Variants in PKNOX2 observed in about 807,000 individuals in gnomAD.
The protein encoded by PKNOX2 is homeobox protein PKNOX2.
A neutral mutation model predicts 53.1 loss-of-function variants in PKNOX2; 14 were observed. The observed-to-expected ratio is 0.26, with a 90% CI of 0.17 to 0.41. The LOEUF is 0.41. Among genes scored for constraint, PKNOX2 ranks in the 10% least tolerant of loss-of-function variants. PKNOX2 has a pLI of 1.00. For missense variants in PKNOX2, 496 were observed against 602.8 expected (o/e 0.82, Z 1.85); for synonymous variants, 257 against 242.8 (o/e 1.06, Z -0.54).
rs1300229746 is a variant in PKNOX2 at position 125,165,415 on chromosome 11, CG to C, written c.-201+641del. Among the ~76,000 whole-genome samples the C allele has an allele frequency of 6.6e-6, 1 of 152,138 alleles. No individual in the cohort carries two copies. Among genetic ancestry groups the C allele is most frequent in the Non-Finnish European group, 1.5e-5 (1 of 68,002 alleles). On this transcript the variant is annotated intron_variant, in intron 1 of 12. Coordinates refer to ENST00000298282, the MANE Select transcript of PKNOX2 (RefSeq NM_001382323.2). This position sits in a 1 kb window ranked among gnomAD's most constrained non-coding sequence, Gnocchi z 4.5. ...GGCAGGCTCCAGGTTCTCTTTCTCC[CG>C]GCTTCGGGCGTCCTTGGGGCCGGCG...
At chr11:125,257,518 A>G (rs535930135) in intron 2 of PKNOX2, among the ~76,000 whole-genome samples, 23 of 152,280 alleles carry the variant, frequency 1.5e-4, no homozygotes, top group Non-Finnish European at 2.8e-4. Flanking sequence ...TCGGAATCGA[A>G]CAAATCTGGA....
chr11:125,369,438 C>G (rs946748531), intron 5 of PKNOX2, among the ~76,000 whole-genome samples: 3 of 152,238 alleles, frequency 2.0e-5, no homozygotes, highest in African/African-American at 7.2e-5. Flanking sequence ...CTGCCCTTCC[C>G]TCTTTACAGT....
At chr11:125,392,606 T>C (rs547591934) in intron 6 of PKNOX2, among the ~76,000 whole-genome samples, 1 of 152,322 alleles carries the variant, frequency 6.6e-6, no homozygotes, top group South Asian at 2.1e-4. Flanking sequence ...TGTGCGTGTA[T>C]TTTATTTGAG....
intron 2 of PKNOX2, among the ~76,000 whole-genome samples, chr11:125,319,788 C>T (rs931943404): frequency 4.6e-5 from 7 of 152,196 alleles, no homozygotes; most frequent in African/African-American, 1.7e-4. Flanking sequence ...GGAGAAAGAG[C>T]ACCTTCCAGG....
intron 6 of PKNOX2, among the ~76,000 whole-genome samples, chr11:125,391,567 A>G (rs907338976): frequency 2.0e-5 from 3 of 152,198 alleles, no homozygotes; most frequent in Non-Finnish European, 4.4e-5. Flanking sequence ...TTTGCAGATA[A>G]AGTTCAAACT....
At chr11:125,202,930 G>T (rs670182) in intron 1 of PKNOX2, among the ~76,000 whole-genome samples, 38,499 of 152,060 alleles carry the variant, frequency 0.25, 5,273 homozygotes, top group South Asian at 0.37. Flanking sequence ...TCATTATGAG[G>T]TAAAATATTT....
chr11:125,229,690 G>A (rs1942035207), intron 1 of PKNOX2, among the ~76,000 whole-genome samples: 1 of 152,160 alleles, frequency 6.6e-6, no homozygotes, highest in Non-Finnish European at 1.5e-5. Flanking sequence ...CAATGGGATG[G>A]GTAGAAGAGC....
chr11:125,199,558 G>A lies in PKNOX2; in HGVS notation c.-201+34782G>A, dbSNP rs1462857164. ...CTCCTGGGTTGCTTAAGATTTCCTG[G>A]GTTGGCCAGGTGCTGTGGCTCACAC... is the stretch of plus-strand genomic sequence containing the variant. On this transcript the variant is annotated intron_variant, in intron 1 of 12. Coordinates refer to ENST00000298282, the MANE Select transcript of PKNOX2 (RefSeq NM_001382323.2). Among the ~76,000 whole-genome samples, 4 of 152,198 alleles carry A rather than the reference G, an allele frequency of 2.6e-5. 1 individual carries two copies. Among genetic ancestry groups the A allele is most frequent in the East Asian group, 1.9e-4 (1 of 5,162 alleles).
At chr11:125,286,363 A>G (rs1055152040) in intron 2 of PKNOX2, among the ~76,000 whole-genome samples, 2 of 152,266 alleles carry the variant, frequency 1.3e-5, no homozygotes, top group Admixed American at 6.5e-5. Context: ...GAAAAATCCC[A>G]TAGTAAATAA....
At chr11:125,336,583 A>T (rs1325193173) in intron 3 of PKNOX2, among the ~76,000 whole-genome samples, 2 of 148,500 alleles carry the variant, frequency 1.3e-5, no homozygotes, top group Non-Finnish European at 3.0e-5. Context: ...ATAGTAATAG[A>T]CTAAATAACA....
intron 2 of PKNOX2, among the ~76,000 whole-genome samples, chr11:125,331,124 A>G (rs1477297971): frequency 6.6e-6 from 1 of 152,102 alleles, no homozygotes; most frequent in African/African-American, 2.4e-5. Flanking sequence ...GCCAGACCTT[A>G]TGGCCGTGCT....
Position 125,207,307 on chromosome 11 carries a change from G to C in PKNOX2, c.-200-27738G>C, listed in dbSNP as rs1190948998. On this transcript the variant is annotated intron_variant, in intron 1 of 12. Transcript: ENST00000298282. Reference sequence around the variant, plus strand: ...TTCATCTTGAGTTCCAACATCTATGGAACATATAGCTGGAGACGTCTAGCA... The same window carrying C: ...TTCATCTTGAGTTCCAACATCTATGCAACATATAGCTGGAGACGTCTAGCA... 2.7e-5 allele frequency among the ~76,000 whole-genome samples: 4 copies of C among 150,892 alleles called. No homozygotes were observed. The East Asian group carries it at 7.8e-4, about 29-fold the overall frequency.
chr11:125,230,786 G>A (rs1368842259), intron 1 of PKNOX2, among the ~76,000 whole-genome samples: 1 of 152,148 alleles, frequency 6.6e-6, no homozygotes, highest in African/African-American at 2.4e-5. Context: ...CCTAGGCATT[G>A]CACAAATGAG....
At chr11:125,344,590 C>A (rs1046316373) in intron 3 of PKNOX2, among the ~76,000 whole-genome samples, 1 of 152,188 alleles carries the variant, frequency 6.6e-6, no homozygotes, top group Non-Finnish European at 1.5e-5. Flanking sequence ...ACACCAGCAT[C>A]GTGATATTAG....
rs754199497 is a variant in PKNOX2, at chr11:125,410,269, C to T, written c.662C>T (p.Ser221Leu). Residue 221 changes from serine to leucine, a missense_variant, in exon 8 of 13, where the codon TCA becomes TTA. Physicochemically the swap from Ser to Leu is moderately radical, Grantham distance 145. Around this residue, in one of 5 missense-constraint regions of PKNOX2, gnomAD observed 141 missense variants for 143.9 expected, o/e 0.98. Coordinates refer to ENST00000298282, the MANE Select transcript of PKNOX2 (RefSeq NM_001382323.2). ...NNPQGIVVPA[S>L]ALQQGNIAMT... The stretch of plus-strand genomic sequence containing the variant: ...CCCCAGGGGATTGTGGTCCCAGCCT[C>T]AGCGCTCCAGCAGGGCAACATCGCC... 1 of 1,614,072 alleles carries T rather than the reference C, an allele frequency of 6.2e-7. No individual in the cohort carries two copies. The highest frequency in any genetic ancestry group is 1.7e-5 in the Admixed American group (1 of 60,020).
At chr11:125,382,064 C>T (rs949212897) in intron 5 of PKNOX2, among the ~76,000 whole-genome samples, 9 of 152,192 alleles carry the variant, frequency 5.9e-5, no homozygotes, top group Admixed American at 5.2e-4. Flanking sequence ...CCCCACATGC[C>T]ACTCACACTG....
chr11:125,382,776 CTT>C (rs1953339804), intron 5 of PKNOX2, among the ~76,000 whole-genome samples: 2 of 152,328 alleles, frequency 1.3e-5, no homozygotes, highest in South Asian at 4.1e-4. Flanking sequence ...CAAATGAAGA[CTT>C]ATACTGGAGT....
At chr11:125,287,919 C>G (rs887222741) in intron 2 of PKNOX2, 1 of 152,186 alleles carries the variant, frequency 6.6e-6, no homozygotes, top group Non-Finnish European at 1.5e-5. Flanking sequence ...AGCCTGTCAG[C>G]AGGGCTTGGC....
intron 2 of PKNOX2, among the ~76,000 whole-genome samples, chr11:125,316,512 A>G (rs568140812): frequency 6.6e-6 from 1 of 152,244 alleles, no homozygotes; most frequent in South Asian, 2.1e-4. Flanking sequence ...ACTGGGAGAC[A>G]TCGCAGGTTG....
Sources: allele counts gnomAD v4.1 joint callset (sites outside exome capture counted in the v4.1 genomes callset), GRCh38; gene constraint gnomAD v4.1.1; regional missense constraint gnomAD v4.1.1; non-coding constraint Gnocchi (gnomAD v3.1); transcripts MANE v1.5; gene names NCBI Gene and HGNC (gene_info 2026-07-23, HGNC 2026-07-21).